AP2B1: variants seen among roughly 807,000 people sequenced by gnomAD.
AP2B1 encodes the protein adaptor related protein complex 2 subunit beta 1.
Under a neutral mutation model 102.0 loss-of-function variants are expected in AP2B1, and 23 were observed. That is an observed-to-expected ratio of 0.23 (90% CI 0.16 to 0.32). The LOEUF is 0.32. AP2B1 is among the 10% of genes least tolerant of loss of function. AP2B1 has a pLI of 1.00. For missense variants in AP2B1, 541 were observed against 1,157.4 expected, an observed-to-expected ratio of 0.47 and a Z score of 7.73; for synonymous variants, 381 against 421.2, an observed-to-expected ratio of 0.90 and a Z score of 1.17.
intron 18 of AP2B1, among the ~76,000 whole-genome samples, chr17:35,683,833 G>C (rs2142993818): frequency 6.6e-6 from 1 of 152,316 alleles, no homozygotes; most frequent in South Asian, 2.1e-4. Context: ...GCATAAAGCA[G>C]AGACCCTGGA....
intron 17 of AP2B1, among the ~76,000 whole-genome samples, chr17:35,681,571 TTTG>T (rs1168094312): frequency 1.3e-5 from 2 of 151,994 alleles, no homozygotes; most frequent in Non-Finnish European, 2.9e-5. Context: ...GCCCAGCTAA[TTTG>T]TTTTCTTTTA....
At chr17:35,662,532 G>GAT (rs2075379722) in intron 14 of AP2B1, among the ~76,000 whole-genome samples, 1 of 110,106 alleles carries the variant, frequency 9.1e-6, no homozygotes, top group African/African-American at 3.4e-5. Context: ...GTTTGGGTTT[G>GAT]TTTTTTTTTT....
chr17:35,616,477 C>T (rs1446442670), intron 5 of AP2B1, among the ~76,000 whole-genome samples: 1 of 152,044 alleles, frequency 6.6e-6, no homozygotes, highest in Non-Finnish European at 1.5e-5. Context: ...CAAAATACCT[C>T]ATTTTTTAGA....
At chr17:35,692,314 TTTTA>T (rs1247675626) in intron 18 of AP2B1, among the ~76,000 whole-genome samples, 2 of 152,228 alleles carry the variant, frequency 1.3e-5, no homozygotes, top group African/African-American at 4.8e-5. Context: ...ATTTGTGGGC[TTTTA>T]TTTGTTAAAT....
At chr17:35,701,648 G>A (rs1367436008) in intron 18 of AP2B1, among the ~76,000 whole-genome samples, 2 of 152,252 alleles carry the variant, frequency 1.3e-5, no homozygotes, top group South Asian at 2.1e-4. Context: ...TGTTGCCCAG[G>A]CTGGAGTACA....
intron 5 of AP2B1, among the ~76,000 whole-genome samples, chr17:35,611,536 A>G (rs1274654199): frequency 1.3e-5 from 2 of 152,220 alleles, no homozygotes; most frequent in African/African-American, 4.8e-5. Context: ...ATCTTTATCC[A>G]GATAAACCGA....
At chr17:35,718,443 C>T (rs2085249785) in intron 21 of AP2B1, among the ~76,000 whole-genome samples, 1 of 151,844 alleles carries the variant, frequency 6.6e-6, no homozygotes, top group Non-Finnish European at 1.5e-5. Context: ...AAAATGTATG[C>T]TCCTCTCCCC....
chr17:35,691,764 C>T (rs1360022390), intron 18 of AP2B1, among the ~76,000 whole-genome samples: 1 of 152,126 alleles, frequency 6.6e-6, no homozygotes, highest in Non-Finnish European at 1.5e-5. Context: ...TATGTAGGTA[C>T]TGGAGTCTTC....
chr17:35,601,142 G>T, intron 3 of AP2B1: 1 of 226,092 alleles, frequency 4.4e-6, no homozygotes, highest in Non-Finnish European at 7.4e-6. Context: ...GAGTTTGGTA[G>T]GTAGGTACTT....
intron 14 of AP2B1, among the ~76,000 whole-genome samples, chr17:35,661,766 T>G (rs1358429666): frequency 6.6e-6 from 1 of 152,202 alleles, no homozygotes; most frequent in African/African-American, 2.4e-5. Flanking sequence ...TTATTCTTCC[T>G]TTTTCATAGC....
At chr17:35,687,140 A>G (rs587680832) in intron 18 of AP2B1, among the ~76,000 whole-genome samples, 1 of 152,018 alleles carries the variant, frequency 6.6e-6, no homozygotes, top group Non-Finnish European at 1.5e-5. Context: ...TTTTTTTGAG[A>G]TAGGGTCTCA....
chr17:35,637,176 C>T (rs1370997765), intron 10 of AP2B1, among the ~76,000 whole-genome samples: 1 of 152,154 alleles, frequency 6.6e-6, no homozygotes, highest in Non-Finnish European at 1.5e-5. Flanking sequence ...TTTTGCCTTA[C>T]ACTCATAGAG....
At chr17:35,639,786 T>A in intron 11 of AP2B1, 26 bp downstream of exon 11, 1 of 1,602,946 alleles carries the variant, frequency 6.2e-7, no homozygotes, top group Non-Finnish European at 8.5e-7. Context: ...TTGTCTATCC[T>A]AGTAGTTTTA....
intron 7 of AP2B1, among the ~76,000 whole-genome samples, 197 bp from the exon 8 acceptor site, chr17:35,627,187 TA>T (rs1158861088): frequency 2.2e-5 from 3 of 135,156 alleles, no homozygotes; most frequent in African/African-American, 8.2e-5. Context: ...TTAAAAAGGA[TA>T]AAAATAATCT....
chr17:35,627,155 A>G (rs2074336751), intron 7 of AP2B1, among the ~76,000 whole-genome samples: 2 of 150,590 alleles, frequency 1.3e-5, no homozygotes, highest in African/African-American at 2.4e-5. Flanking sequence ...GCAGTTCTTC[A>G]TGGCAACATG....
intron 9 of AP2B1, among the ~76,000 whole-genome samples, chr17:35,627,981 G>A (rs758771773): frequency 2.0e-5 from 3 of 152,152 alleles, no homozygotes; most frequent in Non-Finnish European, 4.4e-5. Flanking sequence ...ATATCCATGA[G>A]TTCCACATCC....
At chr17:35,668,926 T>C (rs1286854546) in intron 14 of AP2B1, among the ~76,000 whole-genome samples, 1 of 152,230 alleles carries the variant, frequency 6.6e-6, no homozygotes, top group Non-Finnish European at 1.5e-5. Context: ...GCTTCATTCT[T>C]ATCTATGTAG....
intron 5 of AP2B1, chr17:35,621,233 C>A: frequency 1.2e-6 from 1 of 815,528 alleles, no homozygotes. Flanking sequence ...TCTAGCCACC[C>A]AGTTGCTGTC....
chr17:35,624,798 C>T (rs973346459), intron 6 of AP2B1, among the ~76,000 whole-genome samples: 5 of 152,264 alleles, frequency 3.3e-5, no homozygotes, highest in Non-Finnish European at 5.9e-5. Flanking sequence ...GTTTTTCATA[C>T]AGTTACTTCT....
Sources: gnomAD v4.1 joint callset for allele counts (sites outside exome capture counted in the v4.1 genomes callset) on GRCh38, gnomAD v4.1.1 for gene constraint, MANE v1.5 for transcripts, NCBI Gene and HGNC (gene_info 2026-07-23, HGNC 2026-07-21) for gene names.